Variants in SGIP1 observed in about 807,000 individuals in gnomAD.
SGIP1 encodes SH3-containing GRB2-like protein 3-interacting protein 1.
Under a neutral mutation model 107.5 loss-of-function variants are expected in SGIP1, and 38 were observed. The ratio of observed to expected loss-of-function variants is 0.35; its 90% CI spans 0.27 to 0.46. The LOEUF is 0.46. SGIP1 is among the 20% of genes least tolerant of loss of function. The probability of loss-of-function intolerance (pLI) is 1.00; values close to 1 mark genes in which losing one functional copy is unlikely to be tolerated. For synonymous variants in SGIP1, 365 were observed against 366.1 expected (o/e 1.00, Z 0.03); for missense variants, 929 against 1,019.5 (o/e 0.91, Z 1.21).
chr1:66,594,198 A>G (rs902677530), intron 1 of SGIP1, among the ~76,000 whole-genome samples: 3 of 147,224 alleles, frequency 2.0e-5, no homozygotes, highest in Non-Finnish European at 3.0e-5. Context: ...AAAGGAAAAA[A>G]ATATAAACTT....
In SGIP1 at chr1:66,604,035, G is replaced by A. The variant is rs116705248; in HGVS notation, c.11-21812G>A. ...ATAACAACACAGAAATATGTGTTGGGCAGCACATTATAGTTTATGAATCCC... is the reference window on the plus strand; with the variant it reads ...ATAACAACACAGAAATATGTGTTGGACAGCACATTATAGTTTATGAATCCC... On this transcript the variant is annotated intron_variant, in intron 1 of 24. Transcript: ENST00000371037. Among the ~76,000 whole-genome samples, 573 of 152,222 alleles carry A rather than the reference G, an allele frequency of 3.8e-3. 3 individuals carry two copies. The highest frequency in any genetic ancestry group is 6.3e-3 in the Non-Finnish European group (428 of 68,004).
chr1:66,599,133 A>G (rs2065269074), intron 1 of SGIP1, among the ~76,000 whole-genome samples: 1 of 152,180 alleles, frequency 6.6e-6, no homozygotes, highest in South Asian at 2.1e-4. Context: ...TCAAACAACT[A>G]CTAAGTTATT....
rs1358325283 is a variant in SGIP1, at chr1:66,630,801, CGGAAAGAA to C, written c.75-2268_75-2261del. Reference sequence around the variant, plus strand: ...AGCCTGGGTGACAAGAGCAAAACTCCGGAAAGAAAGAAAGAAAGAAAGAAAGAAAGAAA... The same window carrying C: ...AGCCTGGGTGACAAGAGCAAAACTCCAGAAAGAAAGAAAGAAAGAAAGAAA... On this transcript the variant is annotated intron_variant, in intron 2 of 24. Coordinates refer to ENST00000371037, the MANE Select transcript of SGIP1 (RefSeq NM_032291.4). 6.0e-3 allele frequency among the ~76,000 whole-genome samples: 347 copies of C among 58,006 alleles called. 32 individuals carry two copies. Among genetic ancestry groups the C allele is most frequent in the East Asian group, 0.034 (42 of 1,220 alleles). The allele number at this position is 58,006 out of a possible 152,430, so 38.1% of individuals were successfully genotyped here. A position where few individuals can be genotyped will look rare whatever the true frequency, so the allele number is the denominator to read the frequency against.
intron 1 of SGIP1, among the ~76,000 whole-genome samples, chr1:66,551,533 A>C (rs1360349797): frequency 6.6e-6 from 1 of 152,188 alleles, no homozygotes; most frequent in Admixed American, 6.5e-5. Flanking sequence ...ATTGTAGTTA[A>C]GGCTTAACAC....
At position 66,724,459 on chromosome 1, in the gene SGIP1, C is replaced by T. The variant is rs553178685; in HGVS notation, c.1743-4805C>T. ...TATTAAATTTTTATATAGAAAATTT[C>T]AGGTCAATTTAGACACTGGATGGAT... On this transcript the variant is annotated intron_variant, in intron 19 of 24. Coordinates refer to ENST00000371037, the MANE Select transcript of SGIP1 (RefSeq NM_032291.4). Among the ~76,000 whole-genome samples, 21 of 152,168 alleles carry T rather than the reference C, an allele frequency of 1.4e-4. 1 individual carries two copies. The South Asian group carries it at 4.4e-3, about 32-fold the overall frequency.
At chr1:66,620,621 G>A (rs1232815124) in intron 1 of SGIP1, among the ~76,000 whole-genome samples, 2 of 152,178 alleles carry the variant, frequency 1.3e-5, no homozygotes, top group African/African-American at 4.8e-5. Context: ...TCTCTCACCA[G>A]CATGGGGGAA....
chr1:66,725,838 CA>C (rs1247251609), intron 19 of SGIP1, among the ~76,000 whole-genome samples: 1 of 152,188 alleles, frequency 6.6e-6, no homozygotes, highest in Non-Finnish European at 1.5e-5. Context: ...CACTCTACTA[CA>C]AAACTGGCCG....
chr1:66,669,133 G>C (rs916076138), intron 9 of SGIP1, among the ~76,000 whole-genome samples: 1 of 152,170 alleles, frequency 6.6e-6, no homozygotes, highest in South Asian at 2.1e-4. Context: ...AAACAACAGA[G>C]TTTTCTTGAA....
chr1:66,665,718 C>T (rs1192240164), intron 8 of SGIP1: 1 of 152,204 alleles, frequency 6.6e-6, no homozygotes, highest in East Asian at 1.9e-4. Flanking sequence ...TCTGTGATGA[C>T]CAGTGATGAT....
intron 1 of SGIP1, among the ~76,000 whole-genome samples, chr1:66,537,262 C>T (rs1236285187): frequency 1.3e-5 from 2 of 151,998 alleles, no homozygotes; most frequent in African/African-American, 4.8e-5. Context: ...TGTTTCTTTT[C>T]TAAAGAAAGC....
Position 66,673,305 on chromosome 1 carries a change from G to T in SGIP1, c.585G>T (p.Thr195=). The T allele has an allele frequency of 1.2e-6, 2 of 1,613,830 alleles. No homozygotes were observed. The highest frequency in any genetic ancestry group is 2.2e-5 in the South Asian group (2 of 91,028). ...LISKKPPDDT[T]ALAPLFGPPL... ...GCAAAAAGCCTCCAGATGACACTACGGCCCTTGCTCCTCTCTTTGGCCCAC... is the reference window on the plus strand; with the variant it reads ...GCAAAAAGCCTCCAGATGACACTACTGCCCTTGCTCCTCTCTTTGGCCCAC... Residue 195 remains threonine, a synonymous_variant, in exon 12 of 25, where the codon ACG becomes ACT. Coordinates refer to ENST00000371037, the MANE Select transcript of SGIP1 (RefSeq NM_032291.4).
intron 1 of SGIP1, among the ~76,000 whole-genome samples, chr1:66,615,293 C>T (rs1349462231): frequency 6.6e-6 from 1 of 152,022 alleles, no homozygotes; most frequent in African/African-American, 2.4e-5. Context: ...CGCCCTACTC[C>T]AGGCTAATTT....
At chr1:66,541,204 T>A (rs2054848506) in intron 1 of SGIP1, among the ~76,000 whole-genome samples, 1 of 152,250 alleles carries the variant, frequency 6.6e-6, no homozygotes, top group Admixed American at 6.5e-5. Context: ...TCAAATATTC[T>A]GTATCGAATG....
At chr1:66,702,497 A>C (rs2092037644) in intron 18 of SGIP1, among the ~76,000 whole-genome samples, 1 of 152,238 alleles carries the variant, frequency 6.6e-6, no homozygotes. Flanking sequence ...GTTTTTGTTT[A>C]ATAAAGTACT....
At chr1:66,556,967 A>G (rs2058270038) in intron 1 of SGIP1, among the ~76,000 whole-genome samples, 1 of 152,142 alleles carries the variant, frequency 6.6e-6, no homozygotes, top group South Asian at 2.1e-4. Context: ...TTATAATAGT[A>G]CCTTGATATT....
At chr1:66,549,141 T>TTCCTG (rs1557849647) in intron 1 of SGIP1, among the ~76,000 whole-genome samples, 120 of 18,638 alleles carry the variant, frequency 6.4e-3, no homozygotes, top group African/African-American at 0.015. Flanking sequence ...CTACCTGCCT[T>TTCCTG]CCTTCCTTCC....
At chr1:66,719,952 A>G (rs2093441277) in intron 19 of SGIP1, among the ~76,000 whole-genome samples, 1 of 152,164 alleles carries the variant, frequency 6.6e-6, no homozygotes. Flanking sequence ...GAGAAAGAAA[A>G]AATTATAACA....
chr1:66,733,726 A>G (rs371179517), intron 20 of SGIP1, 22 bp from the exon 21 acceptor site: 16 of 1,604,882 alleles, frequency 1.0e-5, no homozygotes, highest in African/African-American at 1.3e-5. Context: ...CTACTCAATC[A>G]TTTTTCTTCC....
At chr1:66,658,461 T>C (rs1254919966) in intron 7 of SGIP1, among the ~76,000 whole-genome samples, 1 of 152,034 alleles carries the variant, frequency 6.6e-6, no homozygotes, top group Non-Finnish European at 1.5e-5. Flanking sequence ...AAAGAAACAT[T>C]ACAACTGAGG....
Sources: allele counts gnomAD v4.1 joint callset (sites outside exome capture counted in the v4.1 genomes callset), GRCh38; gene constraint gnomAD v4.1.1; transcripts MANE v1.5; gene names NCBI Gene and HGNC (gene_info 2026-07-23, HGNC 2026-07-21).